ERICH3: variants seen among roughly 807,000 people sequenced by gnomAD.
ERICH3 encodes glutamate-rich protein 3.
In ERICH3, 126 loss-of-function variants were observed where a neutral mutation model predicts 131.1. That is an observed-to-expected ratio of 0.96 (90% CI 0.83 to 1.11). ERICH3 has a LOEUF of 1.11. Among genes scored for constraint, ERICH3 ranks in the 50% most tolerant of loss-of-function variants. ERICH3 has a pLI of 0.00. For missense variants in ERICH3, 2,050 were observed against 1,810.7 expected (o/e 1.13, Z -2.40); for synonymous variants, 695 against 644.6 (o/e 1.08, Z -1.18).
chr1:74,580,329 T>C (rs911875569), intron 12 of ERICH3, among the ~76,000 whole-genome samples: 2 of 152,172 alleles, frequency 1.3e-5, no homozygotes, highest in Non-Finnish European at 2.9e-5. Context: ...TAAATTTCGG[T>C]TCATCAATGT....
At position 74,601,374 on chromosome 1, in the gene ERICH3, C is replaced by T. The variant is rs1039911761; in HGVS notation, c.1490-1443G>A. On this transcript the variant is annotated intron_variant, in intron 10 of 14. Transcript: ENST00000326665. ...AGAAGACATTACAATAAGACAATCCCGGCCATGAAAGACTCTCCAATTTTT... is the reference window on the plus strand; with the variant it reads ...AGAAGACATTACAATAAGACAATCCTGGCCATGAAAGACTCTCCAATTTTT... 7.2e-5 allele frequency among the ~76,000 whole-genome samples: 11 copies of T among 151,840 alleles called. No homozygotes were observed. The South Asian group carries it at 1.7e-3, about 23-fold the overall frequency.
In ERICH3 at chr1:74,571,839, C is replaced by G. The variant is rs749170592; in HGVS notation, c.3871G>C (p.Asp1291His). ...MAEKFREEAV[D>H]EDPEEEEDKE... is the part of the protein sequence containing the mutation. ...TCCTCTTCCTCCTCTGGGTCCTCAT[C>G]CACCGCTTCCTCCCTGAACTTTTCT... Residue 1291 changes from aspartate to histidine, a missense_variant, in exon 14 of 15, where the codon GAT (aspartate) becomes CAT (histidine). Coordinates refer to ENST00000326665, the MANE Select transcript of ERICH3 (RefSeq NM_001002912.5). 1.9e-6 allele frequency: 3 copies of G among 1,612,602 alleles called. No individual in the cohort carries two copies. The South Asian group carries it at 3.3e-5, about 18-fold the overall frequency.
chr1:74,606,489 T>C, intron 10 of ERICH3, 112 bp downstream of exon 10: 1 of 1,145,588 alleles, frequency 8.7e-7, no homozygotes, highest in Non-Finnish European at 1.2e-6. Context: ...ACCCCACATG[T>C]AACACAGCTG....
intron 1 of ERICH3, among the ~76,000 whole-genome samples, chr1:74,669,889 T>G (rs1186554315): frequency 2.0e-5 from 3 of 152,200 alleles, no homozygotes; most frequent in African/African-American, 7.2e-5. Context: ...ATTTTTGTTT[T>G]AGTGTATAAC....
intron 1 of ERICH3, among the ~76,000 whole-genome samples, chr1:74,657,722 A>T (rs1448010779): frequency 6.6e-6 from 1 of 152,158 alleles, no homozygotes; most frequent in Non-Finnish European, 1.5e-5. Flanking sequence ...CAGTGTTCAC[A>T]GATGAGGCAA....
chr1:74,625,823 G>T (rs1488045973), intron 7 of ERICH3: 2 of 152,108 alleles, frequency 1.3e-5, no homozygotes, highest in African/African-American at 4.8e-5. Context: ...TAGAGATGTA[G>T]CAGTAAGGAT....
intron 1 of ERICH3, among the ~76,000 whole-genome samples, chr1:74,663,796 C>T (rs1244840017): frequency 6.6e-6 from 1 of 151,904 alleles, no homozygotes; most frequent in East Asian, 1.9e-4. Flanking sequence ...AATCACCTAC[C>T]TGTAGGACTA....
At position 74,599,743 on chromosome 1, in the gene ERICH3, C is replaced by T. The variant is rs781483658; in HGVS notation, c.1678G>A (p.Asp560Asn). The T allele has an allele frequency of 7.4e-6, 12 of 1,612,230 alleles. No homozygotes were observed. Among genetic ancestry groups the T allele is most frequent in the Non-Finnish European group, 1.0e-5 (12 of 1,178,900 alleles). ...KAPDARDNVK[D>N]ENDGCSESEL... Reference sequence around the variant, plus strand: ...CTCTCAGAGCATCCATCATTCTCATCTTTCACATTGTCACGGGCATCTGGT... The same window carrying T: ...CTCTCAGAGCATCCATCATTCTCATTTTTCACATTGTCACGGGCATCTGGT... The change falls in exon 11 of 15, where the codon GAT (aspartate) becomes AAT (asparagine). Residue 560 changes from aspartate to asparagine, a missense_variant. By Grantham distance (23) the Asp-to-Asn change is conservative. Coordinates refer to ENST00000326665, the MANE Select transcript of ERICH3 (RefSeq NM_001002912.5).
At chr1:74,620,030 T>C (rs1466527344) in intron 8 of ERICH3, among the ~76,000 whole-genome samples, 1 of 152,236 alleles carries the variant, frequency 6.6e-6, no homozygotes, top group Non-Finnish European at 1.5e-5. Context: ...CAAATACGTA[T>C]ATTTCTTTTA....
At chr1:74,660,041 G>T (rs1222896016) in intron 1 of ERICH3, among the ~76,000 whole-genome samples, 1 of 152,098 alleles carries the variant, frequency 6.6e-6, no homozygotes, top group Non-Finnish European at 1.5e-5. Context: ...TCAAGGGAGG[G>T]ACCCAATGGG....
chr1:74,663,252 C>T (rs1037858972), intron 1 of ERICH3, among the ~76,000 whole-genome samples: 1 of 152,090 alleles, frequency 6.6e-6, no homozygotes, highest in South Asian at 2.1e-4. Context: ...TCTAATTTAA[C>T]CATAACAACA....
intron 10 of ERICH3, among the ~76,000 whole-genome samples, chr1:74,601,925 A>C (rs1262502923): frequency 6.6e-6 from 1 of 151,874 alleles, no homozygotes; most frequent in African/African-American, 2.4e-5. Context: ...TCCCTGGAAC[A>C]TGCTTAGCAC....
In ERICH3 at chr1:74,666,717, ATCCTATC is replaced by A. The variant is rs1379477714; in HGVS notation, c.23+6773_23+6779del. Among the ~76,000 whole-genome samples the A allele has an allele frequency of 2.6e-5, 4 of 152,266 alleles. No homozygotes were observed. The East Asian group carries it at 7.7e-4, about 29-fold the overall frequency. On this transcript the variant is annotated intron_variant, in intron 1 of 14. Coordinates refer to ENST00000326665, the MANE Select transcript of ERICH3 (RefSeq NM_001002912.5). ...GTGCTGGAACCCAGAGGTATAGTAAATCCTATCTTATGTTTGGGTCGACTTTTTAGTT... is the reference window on the plus strand; with the variant it reads ...GTGCTGGAACCCAGAGGTATAGTAAATTATGTTTGGGTCGACTTTTTAGTT...
chr1:74,588,781 G>A (rs1182416399), intron 12 of ERICH3, among the ~76,000 whole-genome samples: 1 of 151,998 alleles, frequency 6.6e-6, no homozygotes, highest in African/African-American at 2.4e-5. Flanking sequence ...CTCAACTTGA[G>A]AAAAGCATCA....
At chr1:74,601,235 C>A (rs1300393883) in intron 10 of ERICH3, among the ~76,000 whole-genome samples, 1 of 151,816 alleles carries the variant, frequency 6.6e-6, no homozygotes, top group Admixed American at 6.6e-5. Context: ...ATATTTTGAT[C>A]CAAGTATTGC....
intron 1 of ERICH3, among the ~76,000 whole-genome samples, chr1:74,650,221 A>G (rs1359849168): frequency 6.6e-6 from 1 of 152,148 alleles, no homozygotes; most frequent in Non-Finnish European, 1.5e-5. Flanking sequence ...CAAAACAATA[A>G]TTCATAGATC....
chr1:74,596,901 G>C (rs1647877590), intron 11 of ERICH3, among the ~76,000 whole-genome samples: 2 of 151,984 alleles, frequency 1.3e-5, no homozygotes, highest in East Asian at 3.9e-4. Flanking sequence ...ATCAAGGCAG[G>C]CCGACACAAT....
chr1:74,573,548 G>T, intron 13 of ERICH3, 57 bp from the exon 14 acceptor site: 1 of 1,458,980 alleles, frequency 6.9e-7, no homozygotes, highest in South Asian at 1.5e-5. Context: ...CAAGGGAGGG[G>T]ACACTATAAT....
At chr1:74,668,861 A>G (rs1337912611) in intron 1 of ERICH3, among the ~76,000 whole-genome samples, 1 of 152,202 alleles carries the variant, frequency 6.6e-6, no homozygotes, top group Non-Finnish European at 1.5e-5. Flanking sequence ...TAAATATTTA[A>G]TGACTTAAAG....
Sources: gnomAD v4.1 joint callset for allele counts (sites outside exome capture counted in the v4.1 genomes callset) on GRCh38, gnomAD v4.1.1 for gene constraint, MANE v1.5 for transcripts, NCBI Gene and HGNC (gene_info 2026-07-23, HGNC 2026-07-21) for gene names.